ST8SIA1: variants seen among roughly 807,000 people sequenced by gnomAD.
The protein encoded by ST8SIA1 is alpha-N-acetylneuraminide alpha-2,8-sialyltransferase.
In ST8SIA1, 16 loss-of-function variants were observed where a neutral mutation model predicts 35.9. The ratio of observed to expected loss-of-function variants is 0.45; its 90% confidence interval spans 0.30 to 0.68. The LOEUF (loss-of-function observed/expected upper bound fraction) is 0.68. Among genes scored for constraint, ST8SIA1 ranks in the 30% least tolerant of loss-of-function variants. The probability of loss-of-function intolerance (pLI) is 0.09; values close to 1 mark genes in which losing one functional copy is unlikely to be tolerated. For synonymous variants in ST8SIA1, 170 were observed against 169.6 expected (o/e 1.00, Z -0.02); for missense variants, 383 against 453.6 (o/e 0.84, Z 1.41).
chr12:22,261,806 C>T (rs1473966499), intron 2 of ST8SIA1, among the ~76,000 whole-genome samples: 2 of 152,150 alleles, frequency 1.3e-5, no homozygotes, highest in Non-Finnish European at 2.9e-5. Flanking sequence ...CTCACTCGTG[C>T]CTCTTCTCAA....
rs1327387749 is a variant in ST8SIA1 at position 22,287,157 on chromosome 12, A to G, written c.373T>C (p.Phe125Leu). The G allele has an allele frequency of 1.2e-6, 2 of 1,613,930 alleles. No individual in the cohort carries two copies. The highest frequency in any genetic ancestry group is 8.5e-7 in the Non-Finnish European group (1 of 1,179,864). ...ACCAACTCTATACTAACCTGTGGGA[A>G]GAGAGAGTAAGTTGAATTGTCAATG... The part of the protein sequence containing the change: ...FTIDNSTYSL[F>L]PQATPFQLPL... Residue 125 changes from phenylalanine (F) to leucine (L), a missense_variant, in exon 2 of 5, where the codon TTC (phenylalanine) becomes CTC (leucine). Transcript: ENST00000396037.
At chr12:22,213,897 C>G (rs1405515493) in intron 4 of ST8SIA1, among the ~76,000 whole-genome samples, 1 of 152,140 alleles carries the variant, frequency 6.6e-6, no homozygotes, top group Non-Finnish European at 1.5e-5. Flanking sequence ...ACTGTCCAGT[C>G]TTATTTAATG....
At chr12:22,274,432 TAAG>T (rs1683602560) in intron 2 of ST8SIA1, among the ~76,000 whole-genome samples, 1 of 151,906 alleles carries the variant, frequency 6.6e-6, no homozygotes, top group Non-Finnish European at 1.5e-5. Flanking sequence ...TGAGAGAAAA[TAAG>T]AAGTGGATGT....
intron 4 of ST8SIA1, among the ~76,000 whole-genome samples, chr12:22,232,673 G>C (rs150065303): frequency 6.6e-6 from 1 of 151,892 alleles, no homozygotes; most frequent in African/African-American, 2.4e-5. Context: ...ATAAAATCCT[G>C]TAGAAAGTGA....
intron 4 of ST8SIA1, among the ~76,000 whole-genome samples, chr12:22,218,043 A>G (rs889683676): frequency 2.0e-5 from 3 of 152,182 alleles, no homozygotes; most frequent in Non-Finnish European, 4.4e-5. Flanking sequence ...AATAACAAGA[A>G]ATAGGCCCGG....
intron 2 of ST8SIA1, among the ~76,000 whole-genome samples, chr12:22,265,307 G>A (rs139185278): frequency 6.6e-5 from 10 of 152,308 alleles, no homozygotes; most frequent in East Asian, 3.9e-4. Flanking sequence ...AGCAAAACAC[G>A]GAATAAGCAG....
intron 2 of ST8SIA1, among the ~76,000 whole-genome samples, chr12:22,264,975 A>C (rs1202258674): frequency 2.0e-5 from 3 of 152,260 alleles, no homozygotes; most frequent in Non-Finnish European, 4.4e-5. Context: ...CATTATAAAA[A>C]ATAACACAAA....
At chr12:22,248,637 G>T (rs906548003) in intron 4 of ST8SIA1, among the ~76,000 whole-genome samples, 3 of 152,138 alleles carry the variant, frequency 2.0e-5, no homozygotes, top group African/African-American at 7.2e-5. Context: ...CCATTGCTTT[G>T]TTTTTATTCT....
At chr12:22,227,667 C>T (rs1865374677) in intron 4 of ST8SIA1, among the ~76,000 whole-genome samples, 2 of 152,044 alleles carry the variant, frequency 1.3e-5, no homozygotes, top group African/African-American at 4.8e-5. Flanking sequence ...AGTAGAAAAA[C>T]AAACATAAAG....
At chr12:22,239,112 T>A (rs1865509462) in intron 4 of ST8SIA1, among the ~76,000 whole-genome samples, 1 of 152,212 alleles carries the variant, frequency 6.6e-6, no homozygotes, top group African/African-American at 2.4e-5. Flanking sequence ...TTGCAGGTGA[T>A]CTGTCTTTTC....
At chr12:22,309,627 C>G (rs1866426051) in intron 1 of ST8SIA1, among the ~76,000 whole-genome samples, 1 of 152,126 alleles carries the variant, frequency 6.6e-6, no homozygotes, top group African/African-American at 2.4e-5. Context: ...CCCTTTGCCC[C>G]TCTCTCAAAG....
intron 2 of ST8SIA1, among the ~76,000 whole-genome samples, chr12:22,263,472 C>A (rs960342452): frequency 1.3e-5 from 2 of 152,054 alleles, no homozygotes; most frequent in Non-Finnish European, 2.9e-5. Context: ...TTTATGAAAG[C>A]GTATTGTTTT....
chr12:22,301,067 G>T (rs1218694159), intron 1 of ST8SIA1, among the ~76,000 whole-genome samples: 5 of 152,036 alleles, frequency 3.3e-5, no homozygotes, highest in Non-Finnish European at 5.9e-5. Context: ...ATAAATTATT[G>T]TGTGCCACAG....
chr12:22,244,840 T>A (rs1010749495), intron 4 of ST8SIA1, among the ~76,000 whole-genome samples: 4 of 152,218 alleles, frequency 2.6e-5, no homozygotes, highest in African/African-American at 4.8e-5. Context: ...CCATGTGTAA[T>A]CTAATTATCC....
chr12:22,230,742 G>A (rs148517225), intron 4 of ST8SIA1, among the ~76,000 whole-genome samples: 1 of 152,228 alleles, frequency 6.6e-6, no homozygotes, highest in Admixed American at 6.5e-5. Context: ...GTAGAGACTA[G>A]ACATTGAGTT....
At chr12:22,273,589 A>C (rs1035295798) in intron 2 of ST8SIA1, among the ~76,000 whole-genome samples, 1 of 152,166 alleles carries the variant, frequency 6.6e-6, no homozygotes, top group Admixed American at 6.5e-5. Flanking sequence ...GAGCAAAAAA[A>C]TCCCTCATCA....
intron 4 of ST8SIA1, among the ~76,000 whole-genome samples, chr12:22,233,921 T>C (rs1448498446): frequency 7.6e-6 from 1 of 131,892 alleles, no homozygotes; most frequent in African/African-American, 2.7e-5. Flanking sequence ...TTCAGAGGAA[T>C]TGGCAGATTT....
At chr12:22,249,145 AATC>A (rs1347913683) in intron 3 of ST8SIA1, 47 bp from the exon 4 acceptor site, 1 of 1,223,038 alleles carries the variant, frequency 8.2e-7, no homozygotes, top group African/African-American at 1.5e-5. Context: ...CATAGTTTTA[AATC>A]ATCAGTTAGA....
At chr12:22,313,404 G>A (rs1031364859) in intron 1 of ST8SIA1, among the ~76,000 whole-genome samples, 1 of 151,946 alleles carries the variant, frequency 6.6e-6, no homozygotes, top group Non-Finnish European at 1.5e-5. Context: ...TGCCAATGAA[G>A]GAAATAGGAA....
Sources: allele counts gnomAD v4.1 joint callset (sites outside exome capture counted in the v4.1 genomes callset), GRCh38; gene constraint gnomAD v4.1.1; transcripts MANE v1.5; gene names NCBI Gene and HGNC (gene_info 2026-07-23, HGNC 2026-07-21).